The following GPC6 variants were observed in gnomAD, a reference collection of about 807,000 sequenced individuals.
GPC6 encodes the protein glypican-6.
In GPC6, 14 loss-of-function variants were observed where a neutral mutation model predicts 55.2. That is an observed-to-expected ratio of 0.25 (90% CI 0.17 to 0.40). The LOEUF is 0.40. GPC6 is among the 10% of genes least tolerant of loss of function. The probability of loss-of-function intolerance (pLI) is 1.00; values close to 1 mark genes in which losing one functional copy is unlikely to be tolerated. For synonymous variants in GPC6, 278 were observed against 259.6 expected (o/e 1.07, Z -0.68); for missense variants, 641 against 708.5 (o/e 0.90, Z 1.08).
intron 3 of GPC6, among the ~76,000 whole-genome samples, chr13:93,940,915 G>T (rs1594605782): frequency 6.6e-6 from 1 of 152,272 alleles, no homozygotes; most frequent in East Asian, 1.9e-4. Context: ...ATTAATAATT[G>T]CTGAAGCTGA....
At chr13:93,744,952 T>C (rs1594420414) in intron 2 of GPC6, among the ~76,000 whole-genome samples, 1 of 150,906 alleles carries the variant, frequency 6.6e-6, no homozygotes, top group East Asian at 2.0e-4. Context: ...AAAAAAAGTA[T>C]ATATATCTCA....
At chr13:94,335,199 G>A (rs1391096468) in intron 6 of GPC6, among the ~76,000 whole-genome samples, 1 of 152,154 alleles carries the variant, frequency 6.6e-6, no homozygotes, top group Non-Finnish European at 1.5e-5. Context: ...GAAGAAAACA[G>A]GATCAGAAAG....
chr13:94,164,831 T>C lies in GPC6; in HGVS notation c.878-121518T>C, dbSNP rs141226126. 7.3e-3 allele frequency among the ~76,000 whole-genome samples: 1,118 copies of C among 152,296 alleles called. 6 individuals carry two copies. The highest frequency in any genetic ancestry group is 0.018 in the African/African-American group (729 of 41,558). On this transcript the variant is annotated intron_variant, in intron 4 of 8. Transcript: ENST00000377047. ...TTACAAAATAAACTAACTAGGGATT[T>C]CTGGAAATATAGTGAAACATAGAAT... is the stretch of plus-strand genomic sequence containing the variant.
chr13:93,560,705 A>T (rs964926442), intron 2 of GPC6, among the ~76,000 whole-genome samples: 2 of 151,508 alleles, frequency 1.3e-5, no homozygotes, highest in African/African-American at 4.9e-5. Flanking sequence ...AATACAAAAA[A>T]TTATGAGCCG....
At chr13:93,825,635 G>T (rs1285990842) in intron 2 of GPC6, among the ~76,000 whole-genome samples, 1 of 152,112 alleles carries the variant, frequency 6.6e-6, no homozygotes, top group African/African-American at 2.4e-5. Flanking sequence ...TTTTCCTGCA[G>T]ATTATATCAG....
intron 1 of GPC6, among the ~76,000 whole-genome samples, chr13:93,540,936 C>T (rs1347376459): frequency 6.6e-6 from 1 of 152,120 alleles, no homozygotes; most frequent in Non-Finnish European, 1.5e-5. Flanking sequence ...TGAGAACATG[C>T]AATGTTTATC....
At chr13:94,340,811 T>A (rs940105113) in intron 6 of GPC6, among the ~76,000 whole-genome samples, 1 of 152,258 alleles carries the variant, frequency 6.6e-6, no homozygotes, top group Non-Finnish European at 1.5e-5. Context: ...TTATCCAGTG[T>A]GCAAATATTT....
At chr13:93,764,156 T>C (rs1371685392) in intron 2 of GPC6, among the ~76,000 whole-genome samples, 4 of 152,108 alleles carry the variant, frequency 2.6e-5, no homozygotes, top group African/African-American at 9.7e-5. Context: ...TAATATATAG[T>C]AGACCTTTTG....
chr13:94,065,423 G>A (rs2138774487), intron 4 of GPC6, among the ~76,000 whole-genome samples: 1 of 152,274 alleles, frequency 6.6e-6, no homozygotes. Flanking sequence ...ATGGCTCAGT[G>A]GGAGGTCTTG....
At chr13:93,447,934 C>T (rs114025882) in intron 1 of GPC6, among the ~76,000 whole-genome samples, 414 of 152,304 alleles carry the variant, frequency 2.7e-3, no homozygotes, top group African/African-American at 9.4e-3. Context: ...GTGCATGCCG[C>T]TGTTCATAAA....
At chr13:93,604,658 G>C (rs957034299) in intron 2 of GPC6, among the ~76,000 whole-genome samples, 2 of 151,776 alleles carry the variant, frequency 1.3e-5, no homozygotes, top group Non-Finnish European at 2.9e-5. Flanking sequence ...AGCAACAATA[G>C]AAGTACGCTC....
intron 1 of GPC6, among the ~76,000 whole-genome samples, chr13:93,483,355 T>C (rs1879587662): frequency 6.6e-6 from 1 of 152,158 alleles, no homozygotes; most frequent in African/African-American, 2.4e-5. Context: ...TCAATAATCA[T>C]GTAGCAGAGA....
chr13:94,058,687 C>T (rs1884216923), intron 4 of GPC6, among the ~76,000 whole-genome samples: 2 of 152,152 alleles, frequency 1.3e-5, no homozygotes, highest in Non-Finnish European at 2.9e-5. Flanking sequence ...ATGTGAATGG[C>T]TCACTCCAGG....
At chr13:94,337,957 G>C (rs958771957) in intron 6 of GPC6, among the ~76,000 whole-genome samples, 1 of 152,068 alleles carries the variant, frequency 6.6e-6, no homozygotes, top group Non-Finnish European at 1.5e-5. Context: ...CATGACCTTC[G>C]AGGGCACACG....
Position 94,222,046 on chromosome 13 carries a change from C to T in GPC6, c.878-64303C>T, listed in dbSNP as rs143638634. Among the ~76,000 whole-genome samples the T allele has an allele frequency of 1.5e-3, 228 of 151,522 alleles. 2 individuals are homozygous for T. The highest frequency in any genetic ancestry group is 5.2e-3 in the African/African-American group (214 of 41,358). ...GTTTTTTCTATCCTGTTTTTCTGCC[C>T]GATTCTAGTGGCTTAATCTATTCAT... On this transcript the variant is annotated intron_variant, in intron 4 of 8. Coordinates refer to ENST00000377047, the MANE Select transcript of GPC6 (RefSeq NM_005708.5).
At chr13:93,505,214 C>T (rs1880662633) in intron 1 of GPC6, among the ~76,000 whole-genome samples, 1 of 151,984 alleles carries the variant, frequency 6.6e-6, no homozygotes, top group Non-Finnish European at 1.5e-5. Context: ...TAAGAGAAGC[C>T]CTTGGCCTTG....
intron 1 of GPC6, among the ~76,000 whole-genome samples, chr13:93,368,390 G>GTCCGTCCTTCCTTCCT (rs1321302195): frequency 3.6e-5 from 2 of 56,324 alleles, no homozygotes; most frequent in East Asian, 4.5e-4. Context: ...CCTTCCTTCC[G>GTCCGTCCTTCCTTCCT]TCCTTCCTTC....
chr13:93,296,802 A>G (rs969877976), intron 1 of GPC6, among the ~76,000 whole-genome samples: 1 of 152,168 alleles, frequency 6.6e-6, no homozygotes, highest in Non-Finnish European at 1.5e-5. Context: ...TGAGAGAACA[A>G]TGATTCATGG....
At chr13:93,532,099 A>T (rs1254059503) in intron 1 of GPC6, among the ~76,000 whole-genome samples, 1 of 152,214 alleles carries the variant, frequency 6.6e-6, no homozygotes. Flanking sequence ...GTTTTGCCCA[A>T]GTGAGCCCTG....
Sources: gnomAD v4.1 joint callset for allele counts (sites outside exome capture counted in the v4.1 genomes callset) on GRCh38, gnomAD v4.1.1 for gene constraint, MANE v1.5 for transcripts, NCBI Gene and HGNC (gene_info 2026-07-23, HGNC 2026-07-21) for gene names.